Variants in ADCK5 observed in about 807,000 individuals in gnomAD.
ADCK5 encodes the protein aarF domain containing kinase 5.
A neutral mutation model predicts 64.9 loss-of-function variants in ADCK5; 43 were observed. The observed-to-expected ratio is 0.66, with a 90% CI of 0.52 to 0.85. The LOEUF (loss-of-function observed/expected upper bound fraction) is 0.85. Ranked by LOEUF, ADCK5 falls within the 40% of genes least tolerant of loss-of-function variation. The pLI is 0.00. For missense variants in ADCK5, 760 were observed against 810.5 expected (o/e 0.94, Z 0.76); for synonymous variants, 434 against 342.8 (o/e 1.27, Z -2.94).
In ADCK5 at chr8:144,384,584, G is replaced by A. The variant is rs573603124; in HGVS notation, c.266+1354G>A. 7.7e-4 allele frequency among the ~76,000 whole-genome samples: 117 copies of A among 152,248 alleles called. No individual in the cohort carries two copies. The highest frequency in any genetic ancestry group is 2.7e-3 in the African/African-American group (114 of 41,534). ...CTGGGGTGGGTGACGACAGAGCCTCGGGTCCTCTGCCTTTTTCTCGTGACC... is the reference window on the plus strand; with the variant it reads ...CTGGGGTGGGTGACGACAGAGCCTCAGGTCCTCTGCCTTTTTCTCGTGACC... On this transcript the variant is annotated intron_variant, in intron 3 of 14. Transcript: ENST00000308860. The surrounding 1 kb of genome is among the most constrained non-coding windows in gnomAD (Gnocchi z 5.7).
In ADCK5 at chr8:144,393,080, A is replaced by C. The variant is rs1820407381; in HGVS notation, c.*6A>C. On this transcript the variant is annotated 3_prime_UTR_variant, in exon 15 of 15. Transcript: ENST00000308860. ...ACCAGTACCTGGAGACCTAGGGTGC[A>C]GCCGCCCAGGGCCGGCGGGGCCCTT... The C allele has an allele frequency of 1.3e-6, 2 of 1,562,150 alleles. No homozygotes were observed. Among genetic ancestry groups the C allele is most frequent in the East Asian group, 4.7e-5 (2 of 42,698 alleles).
At chr8:144,379,359 G>A (rs558045909) in intron 1 of ADCK5, 28 bp from the exon 2 acceptor site, 19 of 1,560,388 alleles carry the variant, frequency 1.2e-5, no homozygotes, top group African/African-American at 2.7e-5. Flanking sequence ...GGCCTCGTTC[G>A]ACCCCACACA....
chr8:144,389,627 C>G (rs535673261), intron 3 of ADCK5, among the ~76,000 whole-genome samples: 1 of 152,142 alleles, frequency 6.6e-6, no homozygotes, highest in Non-Finnish European at 1.5e-5. Context: ...CGCCTCCTGA[C>G]TTCAAGTGAT....
At chr8:144,379,340 G>C in intron 1 of ADCK5, 47 bp from the exon 2 acceptor site, 1 of 1,430,316 alleles carries the variant, frequency 7.0e-7, no homozygotes, top group Admixed American at 2.0e-5. Context: ...GAGGGCAGGG[G>C]CGTGTCCTGG....
rs1819813432 is a variant in ADCK5, at chr8:144,384,287, G to A, written c.266+1057G>A. On this transcript the variant is annotated intron_variant, in intron 3 of 14. Coordinates refer to ENST00000308860, the MANE Select transcript of ADCK5 (RefSeq NM_174922.5). This position sits in a 1 kb window ranked among gnomAD's most constrained non-coding sequence, Gnocchi z 5.7. ...GTGTGGTCCTGTTCTGCCTGCCTCC[G>A]AGCATCTGCCAGGCCTAGGTCAGTT... Among the ~76,000 whole-genome samples, 2 of 152,100 alleles carry A rather than the reference G, an allele frequency of 1.3e-5. No homozygotes were observed. The highest frequency in any genetic ancestry group is 1.5e-5 in the Non-Finnish European group (1 of 67,964).
chr8:144,379,454 T>G lies in ADCK5; in HGVS notation c.80T>G (p.Val27Gly), dbSNP rs1206591936. The part of the protein sequence containing the change: ...SRQKPWPSPA[V>G]FFRRNVRGLP... ...CAGAAGCCCTGGCCGTCCCCTGCTGTGTTCTTCAGGAGAAACGTCAGGGGC... is the reference window on the plus strand; with the variant it reads ...CAGAAGCCCTGGCCGTCCCCTGCTGGGTTCTTCAGGAGAAACGTCAGGGGC... Residue 27 changes from valine (V) to glycine (G), a missense_variant, in exon 2 of 15, where the codon GTG becomes GGG. Coordinates refer to ENST00000308860, the MANE Select transcript of ADCK5 (RefSeq NM_174922.5). The G allele has an allele frequency of 6.2e-7, 1 of 1,609,880 alleles. No homozygotes were observed. The highest frequency in any genetic ancestry group is 1.3e-5 in the African/African-American group (1 of 74,830).
At chr8:144,385,506 C>T (rs1554859125) in intron 3 of ADCK5, among the ~76,000 whole-genome samples, 1 of 150,960 alleles carries the variant, frequency 6.6e-6, no homozygotes, top group Non-Finnish European at 1.5e-5. Flanking sequence ...CACCACCAGG[C>T]GCGGTGGCTC....
intron 3 of ADCK5, among the ~76,000 whole-genome samples, chr8:144,386,171 C>T (rs372286379): frequency 2.0e-5 from 3 of 151,094 alleles, no homozygotes; most frequent in Non-Finnish European, 2.9e-5. Flanking sequence ...CCACCATGCC[C>T]GGCTAATTTT....
Position 144,384,412 on chromosome 8 carries a change from C to T in ADCK5, c.266+1182C>T, listed in dbSNP as rs1554858919. 6.6e-6 allele frequency among the ~76,000 whole-genome samples: 1 copy of T among 152,198 alleles called. No homozygotes were observed. The highest frequency in any genetic ancestry group is 2.4e-5 in the African/African-American group (1 of 41,442). On this transcript the variant is annotated intron_variant, in intron 3 of 14. Transcript: ENST00000308860. This position sits in a 1 kb window ranked among gnomAD's most constrained non-coding sequence, Gnocchi z 5.7. ...GAGTGGAAGCTTGTGGATAGCTGGGCACCTGAGGATTTTCAGCCTAAAAGA... is the reference window on the plus strand; with the variant it reads ...GAGTGGAAGCTTGTGGATAGCTGGGTACCTGAGGATTTTCAGCCTAAAAGA...
intron 3 of ADCK5, among the ~76,000 whole-genome samples, chr8:144,390,054 C>T (rs552592792): frequency 1.3e-5 from 2 of 151,166 alleles, no homozygotes; most frequent in Non-Finnish European, 2.9e-5. Context: ...TGGTCTTGAA[C>T]TCCTGACCTC....
At chr8:144,377,095 C>T (rs1219506563) in intron 1 of ADCK5, among the ~76,000 whole-genome samples, 1 of 152,252 alleles carries the variant, frequency 6.6e-6, no homozygotes, top group African/African-American at 2.4e-5. Flanking sequence ...GTCTGTGCCA[C>T]GGGGCATGAC....
At chr8:144,386,450 C>T (rs868943635) in intron 3 of ADCK5, among the ~76,000 whole-genome samples, 3 of 151,478 alleles carry the variant, frequency 2.0e-5, no homozygotes, top group Admixed American at 6.6e-5. Flanking sequence ...CTCCATCTCC[C>T]GGGTTCAAGC....
intron 1 of ADCK5, among the ~76,000 whole-genome samples, chr8:144,374,966 G>C (rs782117713): frequency 6.6e-6 from 1 of 152,252 alleles, no homozygotes; most frequent in Non-Finnish European, 1.5e-5. Flanking sequence ...TCCCAGCGCC[G>C]TTCCTTTTTT....
Position 144,393,182 on chromosome 8 carries a change from C to T in ADCK5, c.*108C>T. Reference sequence around the variant, plus strand: ...CCCCGTGGGCACTCGCACTGGGGGGCTGTGACAGCAGCTGGGCCAGGAGGC... The same window carrying T: ...CCCCGTGGGCACTCGCACTGGGGGGTTGTGACAGCAGCTGGGCCAGGAGGC... On this transcript the variant is annotated 3_prime_UTR_variant, in exon 15 of 15. Transcript: ENST00000308860. 1 of 1,347,718 alleles carries T rather than the reference C, an allele frequency of 7.4e-7. No individual in the cohort carries two copies. 83.5% of individuals were successfully genotyped at this position (1,347,718 alleles called of 1,614,324 possible).
intron 2 of ADCK5, among the ~76,000 whole-genome samples, chr8:144,382,022 G>A (rs1554858379): frequency 7.5e-6 from 1 of 132,674 alleles, no homozygotes; most frequent in Non-Finnish European, 1.6e-5. Context: ...TGGGCCGGGT[G>A]TAGAAACAGA....
rs782294888 is a variant in ADCK5, at chr8:144,390,157, C to T, written c.267-514C>T. Among the ~76,000 whole-genome samples, 77 of 151,670 alleles carry T rather than the reference C, an allele frequency of 5.1e-4. 1 individual carries two copies. The highest frequency in any genetic ancestry group is 3.9e-3 in the Admixed American group (60 of 15,230). Reference sequence around the variant, plus strand: ...TGCAGATCTTTTTTGGACGGAGTCTCGCTCTGTTGCCCAGGCTGGGGTGCA... The same window carrying T: ...TGCAGATCTTTTTTGGACGGAGTCTTGCTCTGTTGCCCAGGCTGGGGTGCA... On this transcript the variant is annotated intron_variant, in intron 3 of 14. Transcript: ENST00000308860.
chr8:144,376,664 G>T lies in ADCK5; in HGVS notation c.12+2557G>T, dbSNP rs1819379959. On this transcript the variant is annotated intron_variant, in intron 1 of 14. Transcript: ENST00000308860. The surrounding 1 kb of genome is among the most constrained non-coding windows in gnomAD (Gnocchi z 5.1). ...CTGGTCATGGATGAGGTGGGCAGTGGCTGGGATAGCCACCTGGAGGTAGCT... is the reference window on the plus strand; with the variant it reads ...CTGGTCATGGATGAGGTGGGCAGTGTCTGGGATAGCCACCTGGAGGTAGCT... Among the ~76,000 whole-genome samples the T allele has an allele frequency of 6.6e-6, 1 of 152,218 alleles. No individual in the cohort carries two copies. The highest frequency in any genetic ancestry group is 2.1e-4 in the South Asian group (1 of 4,826).
rs1254236088 is a variant in ADCK5, at chr8:144,392,361, G to T, written c.1267+16G>T. On this transcript the variant is annotated intron_variant, in intron 12 of 14. Transcript: ENST00000308860. ...GGGGTGCAAGGTGAGGGCGTGCGGG[G>T]ATGGCTGGGGCACCACAGAAGGGAG... 1.5e-5 allele frequency: 22 copies of T among 1,488,892 alleles called. No individual in the cohort carries two copies. Among genetic ancestry groups the T allele is most frequent in the Non-Finnish European group, 1.8e-5 (20 of 1,120,674 alleles). The allele number at this position is 1,488,892 out of a possible 1,614,324, so 92.2% of individuals were successfully genotyped here.
At position 144,390,756 on chromosome 8, in the gene ADCK5, G is replaced by T. The variant is rs1820182111; in HGVS notation, c.342+10G>T. On this transcript the variant is annotated intron_variant, in intron 4 of 14. Transcript: ENST00000308860. The stretch of plus-strand genomic sequence containing the variant: ...TCGAGGGGTGGAAGAGGTTTGTCCT[G>T]GTGCCCTGGGCACACAGTGGTGGGC... The T allele has an allele frequency of 1.2e-6, 2 of 1,613,272 alleles. No individual in the cohort carries two copies. Among genetic ancestry groups the T allele is most frequent in the East Asian group, 2.2e-5 (1 of 44,862 alleles).
Sources: gnomAD v4.1 joint callset for allele counts (sites outside exome capture counted in the v4.1 genomes callset) on GRCh38, gnomAD v4.1.1 for gene constraint, Gnocchi (gnomAD v3.1) non-coding constraint, MANE v1.5 for transcripts, NCBI Gene and HGNC (gene_info 2026-07-23, HGNC 2026-07-21) for gene names.